Variants in SFXN1 observed in about 807,000 individuals in gnomAD.
SFXN1 encodes sideroflexin 1.
In SFXN1, 32 loss-of-function variants were observed where a neutral mutation model predicts 39.5. The observed-to-expected ratio is 0.81, with a 90% confidence interval of 0.61 to 1.09. The LOEUF (loss-of-function observed/expected upper bound fraction) is 1.09, where lower values mean the gene tolerates loss of function less well. Among genes scored for constraint, SFXN1 ranks in the 50% least tolerant of loss-of-function variants. The pLI is 0.00. For synonymous variants in SFXN1, 136 were observed against 146.5 expected, an observed-to-expected ratio of 0.93 and a Z score of 0.52; for missense variants, 402 against 407.1, an observed-to-expected ratio of 0.99 and a Z score of 0.11.
intron 2 of SFXN1, among the ~76,000 whole-genome samples, chr5:175,496,233 C>T (rs1215107103): frequency 6.6e-6 from 1 of 151,790 alleles, no homozygotes; most frequent in Non-Finnish European, 1.5e-5. Context: ...AATAGATAGC[C>T]AGGCATGGTG....
chr5:175,482,042 C>G (rs1031319843), intron 1 of SFXN1, among the ~76,000 whole-genome samples: 3 of 152,126 alleles, frequency 2.0e-5, no homozygotes, highest in Non-Finnish European at 4.4e-5. Context: ...TCATCTTGGG[C>G]ATGGTACTAA....
intron 1 of SFXN1, among the ~76,000 whole-genome samples, chr5:175,484,575 C>T (rs1759379500): frequency 6.6e-6 from 1 of 152,240 alleles, no homozygotes; most frequent in East Asian, 1.9e-4. Flanking sequence ...CCTGGGGATC[C>T]CCACATAGCG....
intron 1 of SFXN1, chr5:175,484,254 T>G (rs1759364964): frequency 6.6e-6 from 1 of 152,294 alleles, no homozygotes; most frequent in Admixed American, 6.5e-5. Flanking sequence ...TTTACCCAGT[T>G]TCAACCTTCC....
At chr5:175,488,428 G>A (rs1327886563) in intron 1 of SFXN1, among the ~76,000 whole-genome samples, 6 of 151,620 alleles carry the variant, frequency 4.0e-5, no homozygotes, top group Non-Finnish European at 7.4e-5. Flanking sequence ...TCAGCCTCCC[G>A]AGTAGCTGGG....
intron 2 of SFXN1, among the ~76,000 whole-genome samples, chr5:175,498,817 G>A (rs1759963301): frequency 6.6e-6 from 1 of 152,082 alleles, no homozygotes; most frequent in Admixed American, 6.6e-5. Flanking sequence ...AAAGAAGGCA[G>A]GGAAAGAGGG....
intron 2 of SFXN1, among the ~76,000 whole-genome samples, chr5:175,497,602 G>A (rs1759902496): frequency 6.6e-6 from 1 of 152,026 alleles, no homozygotes. Context: ...ACAAAGAAAG[G>A]GTGGTTAGCA....
At chr5:175,524,459 CCA>C (rs1488396908) in intron 10 of SFXN1, among the ~76,000 whole-genome samples, 2 of 151,632 alleles carry the variant, frequency 1.3e-5, no homozygotes, top group East Asian at 1.9e-4. Context: ...TATGAATGCA[CCA>C]CAGTTTCCCG....
intron 7 of SFXN1, among the ~76,000 whole-genome samples, chr5:175,514,720 A>T (rs972472692): frequency 6.6e-6 from 1 of 152,194 alleles, no homozygotes; most frequent in Non-Finnish European, 1.5e-5. Context: ...ATGAAGGAAA[A>T]CTTTGAGGAA....
intron 2 of SFXN1, among the ~76,000 whole-genome samples, chr5:175,501,652 T>G (rs1760088140): frequency 6.6e-6 from 1 of 152,186 alleles, no homozygotes; most frequent in African/African-American, 2.4e-5. Flanking sequence ...CCAATTTTTT[T>G]AAATGGACAA....
At chr5:175,515,758 G>C in intron 7 of SFXN1, among the ~76,000 whole-genome samples, 1 of 152,152 alleles carries the variant, frequency 6.6e-6, no homozygotes, top group East Asian at 1.9e-4. Context: ...CAGGGGTCAG[G>C]GGGATGGTTT....
At chr5:175,487,700 A>C (rs749782890) in intron 1 of SFXN1, among the ~76,000 whole-genome samples, 3 of 152,116 alleles carry the variant, frequency 2.0e-5, no homozygotes, top group Non-Finnish European at 4.4e-5. Context: ...GATAATCTCC[A>C]GATTACACTT....
rs1761143738 is a variant in SFXN1 at position 175,528,545 on chromosome 5, G to T, written c.*1811G>T. 6.6e-6 allele frequency: 1 copy of T among 152,100 alleles called. No homozygotes were observed. Among genetic ancestry groups the T allele is most frequent in the South Asian group, 2.1e-4 (1 of 4,824 alleles). 9.4% of individuals were successfully genotyped at this position (152,100 alleles called of 1,614,324 possible). ...ATGAAAAAAATATAGAAACTATTTA[G>T]TTTTGGTAGATTTTTTTTCTGACAA... On this transcript the variant is annotated 3_prime_UTR_variant, in exon 11 of 11. Transcript: ENST00000321442.
At position 175,513,581 on chromosome 5, in the gene SFXN1, C is replaced by G. The variant is rs866735283; in HGVS notation, c.715C>G (p.Pro239Ala). 1 of 1,613,646 alleles carries G rather than the reference C, an allele frequency of 6.2e-7. No individual in the cohort carries two copies. The highest frequency in any genetic ancestry group is 8.5e-7 in the Non-Finnish European group (1 of 1,179,842). ...VVVSRILMAAPGMAIPPFIMN... is the reference protein window; with the variant it reads ...VVVSRILMAAAGMAIPPFIMN... ...CGTGTCCAGGATTCTCATGGCAGCCCCTGGCATGGGTTAGCAGGACTTTGT... is the reference window on the plus strand; with the variant it reads ...CGTGTCCAGGATTCTCATGGCAGCCGCTGGCATGGGTTAGCAGGACTTTGT... The change falls in exon 7 of 11, where the codon CCT (proline) becomes GCT (alanine). Residue 239 changes from proline to alanine, a missense_variant. Coordinates refer to ENST00000321442, the MANE Select transcript of SFXN1 (RefSeq NM_022754.7).
At chr5:175,522,044 A>G in intron 9 of SFXN1, 76 bp downstream of exon 9, 1 of 1,239,420 alleles carries the variant, frequency 8.1e-7, no homozygotes, top group Non-Finnish European at 1.1e-6. Flanking sequence ...TGACTGGGTA[A>G]TATGGGATAC....
chr5:175,507,889 C>T (rs534550746), intron 2 of SFXN1, among the ~76,000 whole-genome samples: 2 of 151,394 alleles, frequency 1.3e-5, no homozygotes, highest in African/African-American at 2.4e-5. Context: ...GGGAGGATCA[C>T]TTGAGCTCAG....
At chr5:175,525,464 A>G (rs929497435) in intron 10 of SFXN1, among the ~76,000 whole-genome samples, 19 of 152,346 alleles carry the variant, frequency 1.2e-4, no homozygotes, top group Non-Finnish European at 2.5e-4. Flanking sequence ...GGCCCACTAC[A>G]TAAACAATAG....
chr5:175,525,007 C>T (rs1400708259), intron 10 of SFXN1, among the ~76,000 whole-genome samples: 1 of 152,164 alleles, frequency 6.6e-6, no homozygotes, highest in Non-Finnish European at 1.5e-5. Flanking sequence ...TAATCTTCCT[C>T]CTACAAAGAA....
intron 1 of SFXN1, among the ~76,000 whole-genome samples, chr5:175,489,245 G>A (rs1178010515): frequency 6.6e-6 from 1 of 152,132 alleles, no homozygotes; most frequent in East Asian, 1.9e-4. Flanking sequence ...GAGGAAATTA[G>A]GCCAGATTAT....
At chr5:175,520,635 G>C (rs568923452) in intron 8 of SFXN1, among the ~76,000 whole-genome samples, 1 of 152,240 alleles carries the variant, frequency 6.6e-6, no homozygotes, top group Admixed American at 6.5e-5. Flanking sequence ...TGAGTAACAG[G>C]TTAGCCCAGT....
Sources: gnomAD v4.1 joint callset for allele counts (sites outside exome capture counted in the v4.1 genomes callset) on GRCh38, gnomAD v4.1.1 for gene constraint, MANE v1.5 for transcripts, NCBI Gene and HGNC (gene_info 2026-07-23, HGNC 2026-07-21) for gene names.